The following NAF1 variants were observed in gnomAD, a reference collection of about 807,000 sequenced individuals.
NAF1 encodes the protein nuclear assembly factor 1 ribonucleoprotein, also known as H/ACA ribonucleoprotein complex non-core subunit NAF1.
A neutral mutation model predicts 40.6 loss-of-function variants in NAF1; 11 were observed. The observed-to-expected ratio is 0.27, with a 90% CI of 0.17 to 0.45. The LOEUF (loss-of-function observed/expected upper bound fraction) is 0.45, where lower values mean the gene tolerates loss of function less well. Among genes scored for constraint, NAF1 ranks in the 20% least tolerant of loss-of-function variants. The pLI, the probability that NAF1 is intolerant of heterozygous loss-of-function variation, is 1.00. For missense variants in NAF1, 607 were observed against 611.1 expected (o/e 0.99, Z 0.07); for synonymous variants, 260 against 228.5 (o/e 1.14, Z -1.24).
chr4:163,150,436 C>A (rs772260811), intron 2 of NAF1, among the ~76,000 whole-genome samples: 19 of 152,138 alleles, frequency 1.2e-4, no homozygotes, highest in Non-Finnish European at 2.4e-4. Flanking sequence ...AACTTTAATT[C>A]TAACTTCAAA....
intron 4 of NAF1, 113 bp from the exon 5 acceptor site, chr4:163,140,496 C>A: frequency 1.1e-6 from 1 of 878,126 alleles, no homozygotes; most frequent in South Asian, 1.6e-5. Context: ...GTAATTTTGT[C>A]AGTGTTAGGG....
At chr4:163,156,863 G>A (rs1732007259) in intron 2 of NAF1, 1 of 151,942 alleles carries the variant, frequency 6.6e-6, no homozygotes, top group South Asian at 2.1e-4. Context: ...GCCTGTTCTG[G>A]ATGTACATTA....
intron 4 of NAF1, chr4:163,144,006 G>A: frequency 1.0e-6 from 1 of 974,612 alleles, no homozygotes; most frequent in Non-Finnish European, 1.2e-6. Context: ...TGAGGGGGTG[G>A]GGAACAACAC....
chr4:163,151,209 A>G (rs1261241109), intron 2 of NAF1, among the ~76,000 whole-genome samples: 1 of 151,838 alleles, frequency 6.6e-6, no homozygotes, highest in African/African-American at 2.4e-5. Context: ...TAAAGAAACT[A>G]AACAATTTCA....
At chr4:163,156,924 G>T (rs1412484139) in intron 2 of NAF1, 1 of 152,008 alleles carries the variant, frequency 6.6e-6, no homozygotes, top group Non-Finnish European at 1.5e-5. Context: ...TTTTGTAAAT[G>T]TTTACTAACA....
intron 7 of NAF1, among the ~76,000 whole-genome samples, chr4:163,132,651 G>A (rs1226891464): frequency 4.6e-5 from 7 of 152,178 alleles, no homozygotes; most frequent in Non-Finnish European, 1.0e-4. Flanking sequence ...TAGCTTCATT[G>A]TATAACTGTC....
chr4:163,127,136 G>T, downstream of NAF1: 1 of 1,547,908 alleles, frequency 6.5e-7, no homozygotes, highest in Non-Finnish European at 8.7e-7. Flanking sequence ...GAAATGGACA[G>T]ATTTTTACTT....
downstream of NAF1, among the ~76,000 whole-genome samples, chr4:163,125,959 G>A (rs570767762): frequency 1.8e-4 from 27 of 152,208 alleles, no homozygotes; most frequent in Non-Finnish European, 2.8e-4. Flanking sequence ...TCTATAGATA[G>A]AAAAACTATG....
At chr4:163,133,843 T>C (rs1730960137) in intron 6 of NAF1, among the ~76,000 whole-genome samples, 1 of 152,262 alleles carries the variant, frequency 6.6e-6, no homozygotes, top group African/African-American at 2.4e-5. Flanking sequence ...AGTGGTGCAA[T>C]CTCAGCTCAC....
In NAF1 at chr4:163,145,853, A is replaced by G. The variant is rs745821470; in HGVS notation, c.646T>C (p.Ser216Pro). The G allele has an allele frequency of 6.7e-7, 1 of 1,483,106 alleles. No homozygotes were observed. Among genetic ancestry groups the G allele is most frequent in the South Asian group, 1.2e-5 (1 of 82,776 alleles). The allele number at this position is 1,483,106 out of a possible 1,614,324, so 91.9% of individuals were successfully genotyped here. ...TTAACTGGAGGTAGGTTAGTCATAG[A>G]TTCAATTATTACTGAAAAATAAAAT... ...SIIEQLVIIE[S>P]MTNLPPVNEE... Residue 216 changes from serine (S) to proline (P), a missense_variant, in exon 4 of 8, where the codon TCT becomes CCT. Ser to Pro is a moderately conservative substitution (Grantham distance 74). This residue lies in a region of NAF1 where 407 missense variants were observed against 365.5 expected (regional missense o/e 1.11). Coordinates refer to ENST00000274054, the MANE Select transcript of NAF1 (RefSeq NM_138386.3).
At chr4:163,134,314 T>C (rs928264100) in intron 6 of NAF1, among the ~76,000 whole-genome samples, 2 of 152,226 alleles carry the variant, frequency 1.3e-5, no homozygotes, top group East Asian at 3.8e-4. Flanking sequence ...TGAAAGTCTT[T>C]GTATGTAATT....
chr4:163,130,972 G>A lies in NAF1; in HGVS notation c.1034-1624C>T, dbSNP rs531187328. ...CAGCTCACTGCAACCTCCGCTGCCCGGGTCCCAGCTGACGCAATTCTCCTG... is the reference window on the plus strand; with the variant it reads ...CAGCTCACTGCAACCTCCGCTGCCCAGGTCCCAGCTGACGCAATTCTCCTG... On this transcript the variant is annotated intron_variant, in intron 7 of 7. Transcript: ENST00000274054. Among the ~76,000 whole-genome samples, 4 of 152,264 alleles carry A rather than the reference G, an allele frequency of 2.6e-5. No individual in the cohort carries two copies. The South Asian group carries it at 6.2e-4, about 24-fold the overall frequency.
intron 2 of NAF1, among the ~76,000 whole-genome samples, chr4:163,156,269 A>G (rs1731981857): frequency 8.3e-6 from 1 of 120,510 alleles, no homozygotes; most frequent in Admixed American, 8.9e-5. Context: ...CTAATAAACT[A>G]AAAAAATTGA....
At chr4:163,118,393 A>C (rs1730415099) in intron 2 of NAF1, among the ~76,000 whole-genome samples, 1 of 152,256 alleles carries the variant, frequency 6.6e-6, no homozygotes. Flanking sequence ...TATTATGACA[A>C]GTAGAGCACT....
chr4:163,109,813 T>C (rs907481968), downstream of NAF1, among the ~76,000 whole-genome samples: 17 of 152,214 alleles, frequency 1.1e-4, no homozygotes, highest in African/African-American at 3.6e-4. Flanking sequence ...GAGATTACTG[T>C]CATCTTCAGT....
intron 2 of NAF1, among the ~76,000 whole-genome samples, chr4:163,156,110 TTTTTG>T (rs1731976564): frequency 8.4e-6 from 1 of 118,490 alleles, no homozygotes; most frequent in African/African-American, 2.7e-5. Flanking sequence ...TAGGAAAGAC[TTTTTG>T]TTTTATTTAC....
At chr4:163,159,136 G>A (rs543810276) in intron 2 of NAF1, among the ~76,000 whole-genome samples, 1 of 152,126 alleles carries the variant, frequency 6.6e-6, no homozygotes, top group South Asian at 2.1e-4. Flanking sequence ...TATATACACA[G>A]GACATAAATG....
chr4:163,143,917 ATTAG>A (rs1395852316), intron 4 of NAF1: 10 of 537,128 alleles, frequency 1.9e-5, no homozygotes, highest in Non-Finnish European at 2.1e-5. Flanking sequence ...ATTCTAATCT[ATTAG>A]TTAGGCAAAC....
intron 2 of NAF1, among the ~76,000 whole-genome samples, chr4:163,157,683 G>A (rs994358187): frequency 1.3e-5 from 2 of 151,962 alleles, no homozygotes; most frequent in African/African-American, 4.8e-5. Flanking sequence ...CCATGAAAGA[G>A]CAATTATTGT....
Sources: gnomAD v4.1 joint callset for allele counts (sites outside exome capture counted in the v4.1 genomes callset) on GRCh38, gnomAD v4.1.1 for gene constraint, gnomAD v4.1.1 regional missense constraint, MANE v1.5 for transcripts, NCBI Gene and HGNC (gene_info 2026-07-23, HGNC 2026-07-21) for gene names.